Variants in LRRC43 observed in about 807,000 individuals in gnomAD.
LRRC43 encodes leucine-rich repeat-containing protein 43.
Under a neutral mutation model 64.3 loss-of-function variants are expected in LRRC43, and 62 were observed. The observed-to-expected ratio is 0.96, with a 90% confidence interval of 0.79 to 1.19. The LOEUF (loss-of-function observed/expected upper bound fraction) is 1.19, where lower values mean the gene tolerates loss of function less well. Ranked by LOEUF, LRRC43 falls within the 50% of genes most tolerant of loss-of-function variation. The pLI is 0.00. For synonymous variants in LRRC43, 422 were observed against 382.3 expected (o/e 1.10, Z -1.21); for missense variants, 868 against 845.0 (o/e 1.03, Z -0.34).
At chr12:122,191,931 G>A (rs1953723362) in intron 6 of LRRC43, among the ~76,000 whole-genome samples, 1 of 152,080 alleles carries the variant, frequency 6.6e-6, no homozygotes, top group South Asian at 2.1e-4. Context: ...ACAGGTGTGA[G>A]CCACCGCGCT....
intron 1 of LRRC43, among the ~76,000 whole-genome samples, chr12:122,177,920 C>A (rs765858349): frequency 2.6e-5 from 4 of 151,798 alleles, no homozygotes; most frequent in Non-Finnish European, 5.9e-5. Flanking sequence ...TCACTGCAAC[C>A]TCTGCCTCCT....
At chr12:122,193,420 A>T (rs1190337820) in intron 7 of LRRC43, among the ~76,000 whole-genome samples, 1 of 144,326 alleles carries the variant, frequency 6.9e-6, no homozygotes, top group Non-Finnish European at 1.5e-5. Flanking sequence ...GGCCCACTAG[A>T]CTGTTAGCTG....
intron 1 of LRRC43, chr12:122,172,677 G>T (rs763581168): frequency 9.9e-6 from 16 of 1,613,978 alleles, no homozygotes; most frequent in Admixed American, 5.0e-5. Flanking sequence ...TGGCGGCTGG[G>T]CGTCAGGGCT....
rs1314715180 is a variant in LRRC43, at chr12:122,183,184, G to A, written c.40G>A (p.Glu14Lys). The A allele has an allele frequency of 1.3e-6, 2 of 1,560,160 alleles. No individual in the cohort carries two copies. Among genetic ancestry groups the A allele is most frequent in the Non-Finnish European group, 1.7e-6 (2 of 1,160,404 alleles). Reference sequence around the variant, plus strand: ...CGAGTCCGAGTCCGAGTCCGAGTCTGAGGCCGGGCCTGGGACTCAGCGGCC... The same window carrying A: ...CGAGTCCGAGTCCGAGTCCGAGTCTAAGGCCGGGCCTGGGACTCAGCGGCC... Reference protein sequence around the residue: ...SYESESESESEAGPGTQRPGT... With the variant: ...SYESESESESKAGPGTQRPGT... Residue 14 changes from glutamate to lysine, a missense_variant, in exon 1 of 12, where the codon GAG becomes AAG. Coordinates refer to ENST00000339777, the MANE Select transcript of LRRC43 (RefSeq NM_001098519.2).
At chr12:122,177,474 A>G (rs1310698953) in intron 1 of LRRC43, among the ~76,000 whole-genome samples, 4 of 108,386 alleles carry the variant, frequency 3.7e-5, no homozygotes, top group Admixed American at 3.3e-4. Context: ...TATGAGAGAG[A>G]AAGTGTGTGT....
Position 122,200,817 on chromosome 12 carries a change from G to C in LRRC43, c.1692G>C (p.Val564=). Residue 564 remains valine (V), a synonymous_variant, in exon 10 of 12, where the codon GTG becomes GTC. Coordinates refer to ENST00000339777, the MANE Select transcript of LRRC43 (RefSeq NM_001098519.2). The surrounding 1 kb of genome is among the most constrained non-coding windows in gnomAD (Gnocchi z 4.6). ...ELRQDPPILQ[V]LGRGLVILEP... is the part of the protein sequence containing the mutation. ...GGCAGGACCCCCCCATCCTCCAGGT[G>C]CTGGGCCGGGGCCTGGTGATCCTGG... 1 of 1,613,166 alleles carries C rather than the reference G, an allele frequency of 6.2e-7. No homozygotes were observed. The highest frequency in any genetic ancestry group is 8.5e-7 in the Non-Finnish European group (1 of 1,180,006).
intron 1 of LRRC43, among the ~76,000 whole-genome samples, chr12:122,175,191 A>G (rs1012868523): frequency 2.0e-5 from 3 of 148,838 alleles, no homozygotes; most frequent in African/African-American, 7.7e-5. Context: ...TTTTTTTGAG[A>G]CAGAGTCTTG....
In LRRC43 at chr12:122,200,272, TG is replaced by T; in HGVS notation, c.1435del (p.Val479SerfsTer3). The T allele has an allele frequency of 6.2e-7, 1 of 1,613,844 alleles. No homozygotes were observed. The highest frequency in any genetic ancestry group is 8.5e-7 in the Non-Finnish European group (1 of 1,180,010). On this transcript the variant is annotated frameshift_variant, in exon 8 of 12. Coordinates refer to ENST00000339777, the MANE Select transcript of LRRC43 (RefSeq NM_001098519.2). LOFTEE classifies it high-confidence loss of function. The surrounding 1 kb of genome is among the most constrained non-coding windows in gnomAD (Gnocchi z 4.6). Reference protein sequence around the residue: ...SYEMQHSLRDLVPLKAFLLAG... With the variant: ...SYEMQHSLRDXVPLKAFLLAG... ...GAGATGCAGCACTCTCTCAGGGACC[TG>T]GTCCCACTGAAGGCCTTCCTGCTGG...
At chr12:122,202,725 G>C (rs1203414111) in intron 11 of LRRC43, among the ~76,000 whole-genome samples, 3 of 152,122 alleles carry the variant, frequency 2.0e-5, no homozygotes, top group East Asian at 3.8e-4. Context: ...CTCATTTTTA[G>C]GGCAAATGTT....
upstream of LRRC43, among the ~76,000 whole-genome samples, chr12:122,178,231 G>A (rs879305750): frequency 1.3e-5 from 2 of 150,996 alleles, no homozygotes; most frequent in Non-Finnish European, 2.9e-5. Flanking sequence ...AGCCTTACTG[G>A]GGTTTCAGCC....
At chr12:122,195,083 C>G (rs912613719) in intron 7 of LRRC43, among the ~76,000 whole-genome samples, 1 of 152,114 alleles carries the variant, frequency 6.6e-6, no homozygotes, top group African/African-American at 2.4e-5. Flanking sequence ...TTCATGTATT[C>G]AACTTCTTTT....
At chr12:122,185,238 G>C (rs534392023) in intron 2 of LRRC43, among the ~76,000 whole-genome samples, 164 of 152,272 alleles carry the variant, frequency 1.1e-3, no homozygotes, top group Non-Finnish European at 2.0e-3. Context: ...ACTTTGGGAG[G>C]CTGAGGCAGG....
At position 122,185,747 on chromosome 12, in the gene LRRC43, G is replaced by A. The variant is rs74401580; in HGVS notation, c.412-443G>A. Among the ~76,000 whole-genome samples, 1,341 of 152,278 alleles carry A rather than the reference G, an allele frequency of 8.8e-3. 13 individuals are homozygous for A. The highest frequency in any genetic ancestry group is 0.024 in the African/African-American group (1,014 of 41,548). ...GGTGGCCCTGGAGAAGCGAGGCCCC[G>A]CTGGGAAGGGCCCTGATGTCTTTGA... On this transcript the variant is annotated intron_variant, in intron 2 of 11. Coordinates refer to ENST00000339777, the MANE Select transcript of LRRC43 (RefSeq NM_001098519.2).
Position 122,184,389 on chromosome 12 carries a change from T to C in LRRC43, c.151-130T>C, listed in dbSNP as rs1037785417. 1 of 1,205,354 alleles carries C rather than the reference T, an allele frequency of 8.3e-7. No individual in the cohort carries two copies. The highest frequency in any genetic ancestry group is 1.1e-6 in the Non-Finnish European group (1 of 879,650). 74.7% of individuals were successfully genotyped at this position (1,205,354 alleles called of 1,614,324 possible). On this transcript the variant is annotated intron_variant, in intron 1 of 11. Coordinates refer to ENST00000339777, the MANE Select transcript of LRRC43 (RefSeq NM_001098519.2). This position sits in a 1 kb window ranked among gnomAD's most constrained non-coding sequence, Gnocchi z 4.0. ...GATTACAGGCATGAGCCACCGCACC[T>C]GGCCTACTCTCTAGATTTCTAAACT...
upstream of LRRC43, among the ~76,000 whole-genome samples, chr12:122,182,522 CAAAAAAAAAAAA>C (rs71082944): frequency 6.9e-5 from 2 of 28,860 alleles, no homozygotes; most frequent in Admixed American, 5.4e-4. Context: ...AACTCGGTCT[CAAAAAAAAAAAA>C]AAAAAAAAAA....
At chr12:122,170,101 C>T (rs1374408259) in intron 1 of LRRC43, among the ~76,000 whole-genome samples, 2 of 152,162 alleles carry the variant, frequency 1.3e-5, no homozygotes, top group East Asian at 3.8e-4. Flanking sequence ...GACACCACGG[C>T]TGGCCCAACT....
rs75275055 is a variant in LRRC43 at position 122,168,818 on chromosome 12, C to T, written c.-406+1036C>T. 4.8e-3 allele frequency among the ~76,000 whole-genome samples: 732 copies of T among 152,224 alleles called. 7 individuals carry two copies. The highest frequency in any genetic ancestry group is 0.017 in the African/African-American group (689 of 41,526). ...CTGGTCCAAGAGTCAGTCCAAGTTC[C>T]CACATTGTGCTTAGTGCTTGTATCT... On this transcript the variant is annotated intron_variant, in intron 1 of 5. Transcript: ENST00000537729.
chr12:122,199,629 G>A (rs377125645), intron 7 of LRRC43, among the ~76,000 whole-genome samples: 2 of 151,546 alleles, frequency 1.3e-5, no homozygotes, highest in East Asian at 1.9e-4. Flanking sequence ...TGTCGCCCGG[G>A]ATCGAGTACA....
intron 7 of LRRC43, among the ~76,000 whole-genome samples, chr12:122,196,759 CAA>C (rs63613560): frequency 6.6e-5 from 9 of 136,452 alleles, no homozygotes; most frequent in Admixed American, 1.4e-4. Context: ...GACTCTGTCT[CAA>C]AAAAAAAAAA....
Sources: allele counts gnomAD v4.1 joint callset (sites outside exome capture counted in the v4.1 genomes callset), GRCh38; gene constraint gnomAD v4.1.1; non-coding constraint Gnocchi (gnomAD v3.1); transcripts MANE v1.5; gene names NCBI Gene and HGNC (gene_info 2026-07-23, HGNC 2026-07-21).